Variants in SPIDR observed in about 807,000 individuals in gnomAD.
SPIDR encodes the protein scaffold protein involved in DNA repair.
In SPIDR, 93 loss-of-function variants were observed where a neutral mutation model predicts 104.6. The observed-to-expected ratio is 0.89, with a 90% confidence interval of 0.75 to 1.06. The LOEUF is 1.06. SPIDR is among the 50% of genes least tolerant of loss of function. The pLI, the probability that SPIDR is intolerant of heterozygous loss-of-function variation, is 0.00. For synonymous variants in SPIDR, 431 were observed against 416.9 expected (o/e 1.03, Z -0.41); for missense variants, 1,154 against 1,111.2 (o/e 1.04, Z -0.55).
At chr8:47,431,621 G>C (rs1340964976) in intron 7 of SPIDR, among the ~76,000 whole-genome samples, 3 of 152,148 alleles carry the variant, frequency 2.0e-5, no homozygotes, top group Admixed American at 2.0e-4. Context: ...CGTCACTGGG[G>C]ATTGTGAAAA....
rs760396063 is a variant in SPIDR at position 47,599,154 on chromosome 8, A to C, written c.1502A>C (p.Gln501Pro). Residue 501 changes from glutamine to proline, a missense_variant, in exon 10 of 20, where the codon CAG (glutamine) becomes CCG (proline). Physicochemically the swap from Gln to Pro is moderately conservative, Grantham distance 76. Transcript: ENST00000297423. ...SLPSRDSTRG[Q>P]QGASSGHTDP... ...CCCAGCAGAGACAGCACCAGGGGTC[A>C]GCAGGGGGCCAGCTCAGGACACACA... The C allele has an allele frequency of 6.2e-7, 1 of 1,613,814 alleles. No homozygotes were observed. Among genetic ancestry groups the C allele is most frequent in the Non-Finnish European group, 8.5e-7 (1 of 1,179,934 alleles).
intron 10 of SPIDR, among the ~76,000 whole-genome samples, chr8:47,638,258 A>G (rs2068273685): frequency 6.6e-6 from 1 of 152,088 alleles, no homozygotes; most frequent in Non-Finnish European, 1.5e-5. Context: ...TTTTTCAAGA[A>G]TGGTATTAGA....
In SPIDR at chr8:47,396,612, G is replaced by T. The variant is rs1554658779; in HGVS notation, c.762G>T (p.Lys254Asn). 1.9e-6 allele frequency: 3 copies of T among 1,612,716 alleles called. No homozygotes were observed. The highest frequency in any genetic ancestry group is 1.7e-5 in the Admixed American group (1 of 59,598). Residue 254 changes from lysine to asparagine, a missense_variant, in exon 6 of 20, where the codon AAG becomes AAT. Physicochemically the swap from Lys to Asn is moderately conservative, Grantham distance 94 (BLOSUM62 0). Transcript: ENST00000297423. ...CCAGGACTCCAGAAAATTCAGCAAA[G>T]AAGAAGCTTTTAAGGTTAAATTATA... ...KFPRTPENSA[K>N]KKLLRGGLAE...
intron 5 of SPIDR, among the ~76,000 whole-genome samples, chr8:47,331,460 G>C (rs879960571): frequency 7.9e-5 from 12 of 152,090 alleles, no homozygotes; most frequent in Non-Finnish European, 1.8e-4. Flanking sequence ...GGAACACAAA[G>C]GTAGTTATTT....
At chr8:47,530,510 G>A (rs552441073) in intron 8 of SPIDR, among the ~76,000 whole-genome samples, 2 of 152,104 alleles carry the variant, frequency 1.3e-5, no homozygotes, top group East Asian at 3.9e-4. Flanking sequence ...CATAGAAAAC[G>A]TACAGTAAAA....
At chr8:47,397,915 A>C (rs2061424449) in intron 6 of SPIDR, among the ~76,000 whole-genome samples, 1 of 152,188 alleles carries the variant, frequency 6.6e-6, no homozygotes, top group Non-Finnish European at 1.5e-5. Context: ...TGGCTACATC[A>C]GCATCCTGGA....
chr8:47,420,521 A>G (rs2065238174), intron 7 of SPIDR, among the ~76,000 whole-genome samples: 1 of 152,034 alleles, frequency 6.6e-6, no homozygotes, highest in African/African-American at 2.4e-5. Flanking sequence ...TGCAAATGAG[A>G]TGGGTTTCCT....
intron 8 of SPIDR, among the ~76,000 whole-genome samples, chr8:47,463,041 G>C (rs1456115928): frequency 3.3e-5 from 5 of 152,022 alleles, no homozygotes; most frequent in Non-Finnish European, 5.9e-5. Context: ...CCTATAACTG[G>C]TAAGGATATT....
At chr8:47,441,454 C>T (rs1255594274) in intron 8 of SPIDR, among the ~76,000 whole-genome samples, 2 of 151,498 alleles carry the variant, frequency 1.3e-5, no homozygotes, top group Non-Finnish European at 2.9e-5. Flanking sequence ...TAGCTTTTGA[C>T]CTTTCTTCTC....
intron 14 of SPIDR, among the ~76,000 whole-genome samples, chr8:47,706,250 G>A (rs557921953): frequency 1.5e-4 from 23 of 152,106 alleles, no homozygotes; most frequent in African/African-American, 3.4e-4. Flanking sequence ...AAAATTAGCC[G>A]GGCGTGGTGG....
chr8:47,339,802 C>A (rs1300297519), intron 5 of SPIDR, among the ~76,000 whole-genome samples: 1 of 151,376 alleles, frequency 6.6e-6, no homozygotes, highest in Non-Finnish European at 1.5e-5. Context: ...GCCTCAGCCT[C>A]CCAAGTAGCT....
intron 1 of SPIDR, among the ~76,000 whole-genome samples, chr8:47,273,266 G>T (rs925806012): frequency 6.6e-6 from 1 of 152,166 alleles, no homozygotes; most frequent in Admixed American, 6.5e-5. Context: ...TTCCTCCTTA[G>T]GTTCGATTAA....
At chr8:47,471,621 A>G (rs146361833) in intron 8 of SPIDR, among the ~76,000 whole-genome samples, 17 of 152,340 alleles carry the variant, frequency 1.1e-4, no homozygotes, top group African/African-American at 3.8e-4. Flanking sequence ...GTGTTCTGGA[A>G]GTAGATAATG....
At chr8:47,477,505 T>C (rs1305863318) in intron 8 of SPIDR, among the ~76,000 whole-genome samples, 1 of 152,214 alleles carries the variant, frequency 6.6e-6, no homozygotes, top group Non-Finnish European at 1.5e-5. Flanking sequence ...CAATGCTCAA[T>C]TAATTTTAAC....
intron 8 of SPIDR, among the ~76,000 whole-genome samples, chr8:47,558,775 G>GACT (rs1332127523): frequency 6.6e-6 from 1 of 152,038 alleles, no homozygotes; most frequent in Non-Finnish European, 1.5e-5. Flanking sequence ...AAGTAGCTCG[G>GACT]ACTACAGGCG....
intron 11 of SPIDR, among the ~76,000 whole-genome samples, chr8:47,697,531 A>T (rs2079516846): frequency 6.6e-6 from 1 of 152,192 alleles, no homozygotes; most frequent in Non-Finnish European, 1.5e-5. Context: ...TGACTTTAGG[A>T]AAGCACGCGT....
At chr8:47,464,850 C>T (rs1442956146) in intron 8 of SPIDR, among the ~76,000 whole-genome samples, 1 of 152,136 alleles carries the variant, frequency 6.6e-6, no homozygotes, top group Non-Finnish European at 1.5e-5. Context: ...CTCACTGCAA[C>T]CTCAGCCTCC....
At chr8:47,481,736 A>G (rs191868004) in intron 8 of SPIDR, among the ~76,000 whole-genome samples, 9 of 152,356 alleles carry the variant, frequency 5.9e-5, no homozygotes, top group African/African-American at 2.2e-4. Context: ...TGAGTGACCA[A>G]GCTGATTATA....
chr8:47,505,498 G>A (rs528971975), intron 8 of SPIDR, among the ~76,000 whole-genome samples: 67 of 152,298 alleles, frequency 4.4e-4, no homozygotes, highest in South Asian at 2.3e-3. Context: ...CGCAGTATTA[G>A]GGTGGGAGTG....
Sources: gnomAD v4.1 joint callset for allele counts (sites outside exome capture counted in the v4.1 genomes callset) on GRCh38, gnomAD v4.1.1 for gene constraint, MANE v1.5 for transcripts, NCBI Gene and HGNC (gene_info 2026-07-23, HGNC 2026-07-21) for gene names.